The following KCTD1 variants were observed in gnomAD, a reference collection of about 807,000 sequenced individuals.
The protein encoded by KCTD1 is BTB/POZ domain-containing protein KCTD1.
KCTD1 carries 24 observed loss-of-function variants against 66.0 expected under a neutral mutation model. That is an observed-to-expected ratio of 0.36 (90% CI 0.26 to 0.51). The LOEUF (loss-of-function observed/expected upper bound fraction) is 0.51, where lower values mean the gene tolerates loss of function less well. Ranked by LOEUF, KCTD1 falls within the 20% of genes least tolerant of loss-of-function variation. KCTD1 has a pLI of 0.95. For synonymous variants in KCTD1, 511 were observed against 517.2 expected (o/e 0.99, Z 0.16); for missense variants, 943 against 1,205.2 (o/e 0.78, Z 3.22).
chr18:26,601,865 A>G (rs1986907029), intron 1 of KCTD1, among the ~76,000 whole-genome samples: 1 of 152,120 alleles, frequency 6.6e-6, no homozygotes, highest in African/African-American at 2.4e-5. Context: ...AACCTTGCAG[A>G]ACTTGTTTGT....
At chr18:26,550,111 G>A (rs1334235192), upstream of KCTD1, among the ~76,000 whole-genome samples, 1 of 152,100 alleles carries the variant, frequency 6.6e-6, no homozygotes. The surrounding 1 kb of genome is among the most constrained non-coding windows in gnomAD (Gnocchi z 5.4). Context: ...GGGACACGAG[G>A]GAGTCAGGTC....
intron 2 of KCTD1, among the ~76,000 whole-genome samples, chr18:26,485,131 C>T (rs867088163): frequency 4.6e-5 from 7 of 152,168 alleles, no homozygotes; most frequent in African/African-American, 7.2e-5. Flanking sequence ...TGGGATAATA[C>T]CTACCTCAAA....
chr18:26,459,430 T>A, intron 4 of KCTD1, 190 bp downstream of exon 4: 5 of 597,094 alleles, frequency 8.4e-6, no homozygotes, highest in Non-Finnish European at 1.4e-5. Flanking sequence ...CCAGTGCTCA[T>A]CCCAGCACCT....
intron 1 of KCTD1, among the ~76,000 whole-genome samples, chr18:26,636,650 T>C (rs1422995324): frequency 6.6e-6 from 1 of 152,236 alleles, no homozygotes; most frequent in African/African-American, 2.4e-5. Flanking sequence ...ACCTGAGCGT[T>C]GGGGTCATTG....
At chr18:26,523,168 G>A (rs570649865) in intron 1 of KCTD1, among the ~76,000 whole-genome samples, 2 of 152,110 alleles carry the variant, frequency 1.3e-5, no homozygotes, top group Admixed American at 6.5e-5. Context: ...GGCAGGGGAC[G>A]ATTAACGATC....
intron 1 of KCTD1, among the ~76,000 whole-genome samples, chr18:26,540,557 CA>C (rs1039820891): frequency 1.3e-5 from 2 of 152,168 alleles, no homozygotes; most frequent in Non-Finnish European, 2.9e-5. Flanking sequence ...CTGCCTCTGC[CA>C]CCCCTCAAAC....
At chr18:26,574,440 A>G (rs1261309269) in intron 1 of KCTD1, among the ~76,000 whole-genome samples, 2 of 152,242 alleles carry the variant, frequency 1.3e-5, no homozygotes, top group African/African-American at 4.8e-5. Flanking sequence ...GACTTCTACC[A>G]TGGTCTTTTC....
chr18:26,601,387 T>C (rs1986896984), intron 1 of KCTD1, among the ~76,000 whole-genome samples: 1 of 147,534 alleles, frequency 6.8e-6, no homozygotes. Context: ...AAAGGCATAC[T>C]TCTGGACTCT....
chr18:26,501,912 C>A (rs1445382377), intron 1 of KCTD1, among the ~76,000 whole-genome samples: 1 of 152,236 alleles, frequency 6.6e-6, no homozygotes, highest in African/African-American at 2.4e-5. Context: ...TGCCTGACTT[C>A]TTGAAGAAAT....
At chr18:26,567,765 G>T (rs1016510381) in intron 1 of KCTD1, among the ~76,000 whole-genome samples, 2 of 152,036 alleles carry the variant, frequency 1.3e-5, no homozygotes, top group African/African-American at 4.8e-5. Context: ...GGGATTACAG[G>T]TGTGAGCCAC....
chr18:26,558,173 A>G (rs1014729196), intron 1 of KCTD1, among the ~76,000 whole-genome samples: 1 of 152,244 alleles, frequency 6.6e-6, no homozygotes, highest in Non-Finnish European at 1.5e-5. Flanking sequence ...AAAAGAAGAC[A>G]TACAAATGGC....
intron 1 of KCTD1, chr18:26,600,080 A>G: frequency 1.9e-6 from 3 of 1,611,062 alleles, no homozygotes; most frequent in Admixed American, 1.7e-5. Context: ...GATTTGAAGA[A>G]GCCAGATCCG....
At position 26,538,884 on chromosome 18, in the gene KCTD1, CA is replaced by C. The variant is rs370937688; in HGVS notation, c.1809+7843del. On this transcript the variant is annotated intron_variant, in intron 1 of 4. Transcript: ENST00000580059. ...TATAGTTTCTCAAATGAGGTTGCTC[CA>C]AATCCCAGACCCAGCAAAGGCTGGG... 2.9e-4 allele frequency among the ~76,000 whole-genome samples: 44 copies of C among 152,256 alleles called. No individual in the cohort carries two copies. The East Asian group carries it at 3.9e-3, about 13-fold the overall frequency.
chr18:26,657,384 C>T (rs1187970989), exon 1 of KCTD1: 1 of 985,628 alleles, frequency 1.0e-6, no homozygotes, highest in Middle Eastern at 5.2e-4. Context: ...CACAAAGTCT[C>T]TCTCCAAGTC....
Position 26,546,898 on chromosome 18 carries a change from A to G in KCTD1, c.1639T>C (p.Cys547Arg). Reference sequence around the variant, plus strand: ...AGTCTTTTGGGGGAAGTGGGGCCGCAGATTTCCCCCGACCCGAACACAGAC... The same window carrying G: ...AGTCTTTTGGGGGAAGTGGGGCCGCGGATTTCCCCCGACCCGAACACAGAC... ...YESVFGSGEICGPTSPKRLCI... is the reference protein window; with the variant it reads ...YESVFGSGEIRGPTSPKRLCI... The change falls in exon 1 of 5, where the codon TGC becomes CGC. Residue 547 changes from cysteine to arginine, a missense_variant. Physicochemically the swap from Cys to Arg is radical, Grantham distance 180. This residue lies in a region of KCTD1 where 197 missense variants were observed against 182.7 expected (regional missense o/e 1.08). Transcript: ENST00000580059. 6.7e-7 allele frequency: 1 copy of G among 1,483,894 alleles called. No individual in the cohort carries two copies. Among genetic ancestry groups the G allele is most frequent in the Non-Finnish European group, 9.0e-7 (1 of 1,115,982 alleles). 91.9% of individuals were successfully genotyped at this position (1,483,894 alleles called of 1,614,324 possible). A position where few individuals can be genotyped will look rare whatever the true frequency, so the allele number is the denominator to read the frequency against.
In KCTD1 at chr18:26,621,251, G is replaced by C. The variant is rs187353537; in HGVS notation, c.-16+7896C>G. Reference sequence around the variant, plus strand: ...AAGGGTGCTACTTACTCGTTTGGATGAATGTGGTCGGGTCCTCTGATTATT... The same window carrying C: ...AAGGGTGCTACTTACTCGTTTGGATCAATGTGGTCGGGTCCTCTGATTATT... On this transcript the variant is annotated intron_variant, in intron 1 of 4. Transcript: ENST00000317932. Among the ~76,000 whole-genome samples, 24 of 152,230 alleles carry C rather than the reference G, an allele frequency of 1.6e-4. No homozygotes were observed. In the East Asian group the frequency reaches 4.6e-3, roughly 29 times the overall value.
At chr18:26,473,773 C>A (rs1229847602) in intron 3 of KCTD1, among the ~76,000 whole-genome samples, 1 of 152,102 alleles carries the variant, frequency 6.6e-6, no homozygotes, top group Non-Finnish European at 1.5e-5. Context: ...TGGGAACTGC[C>A]CTTGGCTGGG....
chr18:26,629,707 G>C (rs1987576011), upstream of KCTD1, among the ~76,000 whole-genome samples: 1 of 143,198 alleles, frequency 7.0e-6, no homozygotes, highest in South Asian at 2.2e-4. Flanking sequence ...AGTTGGGAAA[G>C]AGATTGACCC....
intron 1 of KCTD1, among the ~76,000 whole-genome samples, chr18:26,554,181 AG>A (rs1407372744): frequency 6.8e-6 from 1 of 147,018 alleles, no homozygotes; most frequent in Non-Finnish European, 1.5e-5. Flanking sequence ...GAAAGAAGGA[AG>A]GAAAAAAGAA....
Sources: allele counts gnomAD v4.1 joint callset (sites outside exome capture counted in the v4.1 genomes callset), GRCh38; gene constraint gnomAD v4.1.1; regional missense constraint gnomAD v4.1.1; non-coding constraint Gnocchi (gnomAD v3.1); transcripts MANE v1.5; gene names NCBI Gene and HGNC (gene_info 2026-07-23, HGNC 2026-07-21).